The following CNTN5 variants were observed in gnomAD, a reference collection of about 807,000 sequenced individuals.
The protein encoded by CNTN5 is contactin-5.
A neutral mutation model predicts 129.1 loss-of-function variants in CNTN5; 77 were observed. That is an observed-to-expected ratio of 0.60 (90% CI 0.50 to 0.72). The LOEUF (loss-of-function observed/expected upper bound fraction) is 0.72. Ranked by LOEUF, CNTN5 falls within the 30% of genes least tolerant of loss-of-function variation. The pLI is 0.00. For missense variants in CNTN5, 1,478 were observed against 1,328.8 expected (o/e 1.11, Z -1.75); for synonymous variants, 509 against 465.6 (o/e 1.09, Z -1.20).
rs560601029 is a variant in CNTN5, at chr11:100,057,109, T to A, written c.981-4103T>A. On this transcript the variant is annotated intron_variant, in intron 9 of 24. Coordinates refer to ENST00000524871, the MANE Select transcript of CNTN5 (RefSeq NM_014361.4). ...CGTTTGATGTCAGCATAAAAGATAG[T>A]CATATGATTTTATTATTAATCATGA... Among the ~76,000 whole-genome samples the A allele has an allele frequency of 9.9e-5, 15 of 150,868 alleles. No homozygotes were observed. The South Asian group carries it at 3.1e-3, about 31-fold the overall frequency.
At chr11:99,905,620 C>T (rs570970177) in intron 6 of CNTN5, among the ~76,000 whole-genome samples, 17 of 152,144 alleles carry the variant, frequency 1.1e-4, no homozygotes, top group African/African-American at 2.9e-4. Flanking sequence ...CTTTGCTGTA[C>T]GGGCTCTTTT....
intron 8 of CNTN5, among the ~76,000 whole-genome samples, chr11:99,962,130 G>A (rs1279880707): frequency 2.6e-5 from 4 of 151,966 alleles, no homozygotes; most frequent in African/African-American, 9.7e-5. Context: ...TAAGGAAGAC[G>A]TAGATTAGAA....
At chr11:99,098,405 C>T (rs1018100526) in intron 1 of CNTN5, among the ~76,000 whole-genome samples, 2 of 152,114 alleles carry the variant, frequency 1.3e-5, no homozygotes, top group East Asian at 1.9e-4. Context: ...TTTATTTCCT[C>T]GAGGTACCCA....
intron 3 of CNTN5, among the ~76,000 whole-genome samples, chr11:99,648,821 C>T (rs914278234): frequency 3.3e-5 from 5 of 151,770 alleles, no homozygotes; most frequent in African/African-American, 9.7e-5. Flanking sequence ...AAATTAAACA[C>T]TGCATGTCCC....
intron 7 of CNTN5, among the ~76,000 whole-genome samples, chr11:99,947,706 A>C (rs1281137922): frequency 4.6e-5 from 7 of 152,158 alleles, no homozygotes; most frequent in African/African-American, 1.7e-4. Context: ...GGCAGTTCAC[A>C]ACTCTAGAGG....
chr11:99,984,078 G>A lies in CNTN5; in HGVS notation c.878-17956G>A, dbSNP rs527249405. 2.6e-5 allele frequency among the ~76,000 whole-genome samples: 4 copies of A among 152,150 alleles called. No homozygotes were observed. The East Asian group carries it at 5.8e-4, about 22-fold the overall frequency. On this transcript the variant is annotated intron_variant, in intron 8 of 24. Coordinates refer to ENST00000524871, the MANE Select transcript of CNTN5 (RefSeq NM_014361.4). ...AGGTCAGGAGTTTGAGACCAGCCCG[G>A]CCAACATGATGAAACCCCATTTCTA...
At chr11:99,401,876 T>C (rs1941829841) in intron 2 of CNTN5, among the ~76,000 whole-genome samples, 1 of 152,132 alleles carries the variant, frequency 6.6e-6, no homozygotes, top group South Asian at 2.1e-4. Context: ...TTCAGTTTAC[T>C]GTTAGCATAT....
intron 3 of CNTN5, among the ~76,000 whole-genome samples, chr11:99,779,712 G>C (rs1265537905): frequency 6.6e-6 from 1 of 151,946 alleles, no homozygotes; most frequent in Non-Finnish European, 1.5e-5. Context: ...ACTTAAAAAA[G>C]TATCTTGTAG....
intron 1 of CNTN5, among the ~76,000 whole-genome samples, chr11:99,268,170 A>G (rs1363190092): frequency 1.3e-5 from 2 of 152,034 alleles, no homozygotes; most frequent in Non-Finnish European, 1.5e-5. Flanking sequence ...ATTAAAAAAT[A>G]TAAAACATAT....
At chr11:100,167,351 T>C (rs148200365) in intron 13 of CNTN5, among the ~76,000 whole-genome samples, 56 of 151,968 alleles carry the variant, frequency 3.7e-4, no homozygotes, top group African/African-American at 1.2e-3. Context: ...AAATTGGAGA[T>C]GACTGATAAA....
At chr11:99,245,633 A>G (rs1861778369) in intron 1 of CNTN5, among the ~76,000 whole-genome samples, 1 of 152,020 alleles carries the variant, frequency 6.6e-6, no homozygotes, top group Admixed American at 6.6e-5. Context: ...TTGCATAAAC[A>G]TTTATATATG....
chr11:100,229,526 T>C (rs576513001), intron 16 of CNTN5, among the ~76,000 whole-genome samples: 1 of 152,214 alleles, frequency 6.6e-6, no homozygotes, highest in African/African-American at 2.4e-5. Flanking sequence ...TGCTAATCTT[T>C]AGTGATTCTC....
intron 1 of CNTN5, among the ~76,000 whole-genome samples, chr11:99,086,591 T>A (rs1353585109): frequency 6.6e-6 from 1 of 152,170 alleles, no homozygotes; most frequent in Non-Finnish European, 1.5e-5. Context: ...TGGGCAGGGA[T>A]TGATTTGTTT....
At chr11:100,262,472 T>C (rs749892178) in intron 17 of CNTN5, among the ~76,000 whole-genome samples, 1 of 152,184 alleles carries the variant, frequency 6.6e-6, no homozygotes, top group Non-Finnish European at 1.5e-5. Flanking sequence ...ATCACTGTAC[T>C]ATAAAGACAC....
At position 99,358,527 on chromosome 11, in the gene CNTN5, C is replaced by T. The variant is rs957836550; in HGVS notation, c.-71+33043C>T. On this transcript the variant is annotated intron_variant, in intron 2 of 24. Coordinates refer to ENST00000524871, the MANE Select transcript of CNTN5 (RefSeq NM_014361.4). ...AGCCAGCCAAGATCGCGCCACTGCA[C>T]TCCAGCCTGGCGACAGAGCAAGACT... Among the ~76,000 whole-genome samples the T allele has an allele frequency of 2.0e-4, 30 of 151,520 alleles. 1 individual carries two copies. Among genetic ancestry groups the T allele is most frequent in the Admixed American group, 1.4e-3 (22 of 15,226 alleles).
chr11:99,191,785 A>G (rs1264241820), intron 1 of CNTN5, among the ~76,000 whole-genome samples: 3 of 151,832 alleles, frequency 2.0e-5, no homozygotes, highest in Non-Finnish European at 4.4e-5. Flanking sequence ...GACACACAAT[A>G]TACCACAACT....
At chr11:99,561,105 G>C (rs971700506) in intron 3 of CNTN5, among the ~76,000 whole-genome samples, 17 of 152,190 alleles carry the variant, frequency 1.1e-4, no homozygotes, top group African/African-American at 4.1e-4. Context: ...CTAATTCTAG[G>C]ACTGGGCCAA....
intron 17 of CNTN5, among the ~76,000 whole-genome samples, chr11:100,261,595 C>T (rs1950198728): frequency 6.6e-6 from 1 of 152,146 alleles, no homozygotes; most frequent in Admixed American, 6.5e-5. Flanking sequence ...GGTACCAAAA[C>T]AGAGATACCG....
intron 3 of CNTN5, chr11:99,558,307 G>T: frequency 2.4e-6 from 1 of 409,664 alleles, no homozygotes; most frequent in South Asian, 1.8e-5. Flanking sequence ...AGGAGATGGA[G>T]GTAGGGTTGC....
Sources: allele counts gnomAD v4.1 joint callset (sites outside exome capture counted in the v4.1 genomes callset), GRCh38; gene constraint gnomAD v4.1.1; transcripts MANE v1.5; gene names NCBI Gene and HGNC (gene_info 2026-07-23, HGNC 2026-07-21).